MDN1: variants seen among roughly 807,000 people sequenced by gnomAD.
MDN1 encodes the protein midasin.
A neutral mutation model predicts 669.2 loss-of-function variants in MDN1; 266 were observed. The ratio of observed to expected loss-of-function variants is 0.40; its 90% CI spans 0.36 to 0.44. The LOEUF is 0.44. MDN1 is among the 20% of genes least tolerant of loss of function. The probability of loss-of-function intolerance (pLI) is 1.00; values close to 1 mark genes in which losing one functional copy is unlikely to be tolerated. For synonymous variants in MDN1, 2,385 were observed against 2,457.1 expected (o/e 0.97, Z 0.87); for missense variants, 5,940 against 6,754.0 (o/e 0.88, Z 4.22).
At chr6:89,736,455 G>A (rs1044482573) in intron 33 of MDN1, among the ~76,000 whole-genome samples, 3 of 152,126 alleles carry the variant, frequency 2.0e-5, no homozygotes, top group Non-Finnish European at 4.4e-5. Context: ...ATCCAGCCCC[G>A]ACACAGACCC....
intron 8 of MDN1, 31 bp from the exon 9 acceptor site, chr6:89,785,157 C>T (rs773405291): frequency 2.1e-5 from 31 of 1,500,632 alleles, no homozygotes; most frequent in South Asian, 2.0e-4. Flanking sequence ...CACAGTCACA[C>T]AAAATTCCAA....
intron 2 of MDN1, among the ~76,000 whole-genome samples, chr6:89,796,351 C>T (rs200716806): frequency 1.4e-5 from 1 of 71,568 alleles, no homozygotes; most frequent in Non-Finnish European, 2.8e-5. Flanking sequence ...AAAAAAAAAA[C>T]AAAAAAAAAA....
At chr6:89,814,115 A>G (rs1307673691) in intron 1 of MDN1, among the ~76,000 whole-genome samples, 1 of 152,088 alleles carries the variant, frequency 6.6e-6, no homozygotes, top group African/African-American at 2.4e-5. Context: ...AGCCCCCCCA[A>G]CCAACTGAAT....
At chr6:89,753,757 G>A (rs1310237402) in intron 21 of MDN1, 135 bp from the exon 22 acceptor site, 8 of 753,676 alleles carry the variant, frequency 1.1e-5, no homozygotes, top group Non-Finnish European at 1.8e-5. Flanking sequence ...GGTAGATAAA[G>A]GGAAGGGTAG....
At position 89,794,119 on chromosome 6, in the gene MDN1, A is replaced by G. The variant is rs1453830846; in HGVS notation, c.643T>C (p.Leu215=). The stretch of plus-strand genomic sequence containing the variant: ...GCTTACCTCAACCTGAAATGGATCA[A>G]TTCATCACTATTAAATATCTTCTTA... ...FLKKIFNSDE[L]IHFRLRLLEE... is the part of the protein sequence containing the mutation. Residue 215 remains leucine, a synonymous_variant, in exon 4 of 102, where the codon TTG becomes CTG. Transcript: ENST00000369393. 6.3e-7 allele frequency: 1 copy of G among 1,590,938 alleles called. No individual in the cohort carries two copies. Among genetic ancestry groups the G allele is most frequent in the Non-Finnish European group, 8.6e-7 (1 of 1,169,196 alleles).
chr6:89,819,696 G>T lies in MDN1; in HGVS notation c.-89C>A. 9.4e-7 allele frequency: 1 copy of T among 1,061,684 alleles called. No individual in the cohort carries two copies. The highest frequency in any genetic ancestry group is 1.4e-6 in the Non-Finnish European group (1 of 697,160). 65.8% of individuals were successfully genotyped at this position (1,061,684 alleles called of 1,614,324 possible). On this transcript the variant is annotated 5_prime_UTR_variant, in exon 1 of 102. In the 5' UTR this introduces an upstream ATG that the reference lacks. Transcript: ENST00000369393. ...CCGCCGAGGTCCCAGTGCCCGAGCAGCCAGCAACTACGCCCGCAGGAAAGG... is the reference window on the plus strand; with the variant it reads ...CCGCCGAGGTCCCAGTGCCCGAGCATCCAGCAACTACGCCCGCAGGAAAGG...
At chr6:89,780,984 AG>A (rs755062026) in intron 10 of MDN1, among the ~76,000 whole-genome samples, 3 of 151,934 alleles carry the variant, frequency 2.0e-5, no homozygotes, top group Non-Finnish European at 4.4e-5. Context: ...CACTTCTCAA[AG>A]GGGAAGTCAA....
chr6:89,712,222 T>G lies in MDN1; in HGVS notation c.7465A>C (p.Ile2489Leu). 6.2e-7 allele frequency: 1 copy of G among 1,614,114 alleles called. No homozygotes were observed. ...QPFTLQDLEK[I>L]MQSPSPENLK... ...TTCTCAGGGCTGGGGGACTGCATAA[T>G]TTTCTCTAAGTCTTGCAAGGTAAAA... Residue 2489 changes from isoleucine to leucine, a missense_variant, in exon 49 of 102, where the codon ATT becomes CTT. Transcript: ENST00000369393.
Position 89,756,341 on chromosome 6 carries a change from C to A in MDN1, c.2752G>T (p.Val918Phe). Residue 918 changes from valine (V) to phenylalanine (F), a missense_variant, in exon 20 of 102, where the codon GTT (valine) becomes TTT (phenylalanine). Val to Phe is a conservative substitution (Grantham distance 50). Transcript: ENST00000369393. ...CCTTTCAGATAATCTACAATAAGAACCTGTAAGTCTTCTTTGCTTTCTAAT... is the reference window on the plus strand; with the variant it reads ...CCTTTCAGATAATCTACAATAAGAAACTGTAAGTCTTCTTTGCTTTCTAAT... ...EELESKEDLQ[V>F]LIVDYLKGLS... is the part of the protein sequence containing the mutation. 6.2e-7 allele frequency: 1 copy of A among 1,603,600 alleles called. No individual in the cohort carries two copies. Among genetic ancestry groups the A allele is most frequent in the Non-Finnish European group, 8.5e-7 (1 of 1,174,594 alleles).
chr6:89,679,939 C>T (rs1021928391), intron 74 of MDN1, among the ~76,000 whole-genome samples: 9 of 152,130 alleles, frequency 5.9e-5, no homozygotes, highest in African/African-American at 1.4e-4. Flanking sequence ...CCTTGAGCAA[C>T]GGCTGACAAG....
rs1375185115 is a variant in MDN1 at position 89,730,711 on chromosome 6, A to G, written c.5140+15T>C. 6.3e-7 allele frequency: 1 copy of G among 1,598,652 alleles called. No individual in the cohort carries two copies. Among genetic ancestry groups the G allele is most frequent in the East Asian group, 2.2e-5 (1 of 44,802 alleles). ...TATAGAAAAGGAAAATTCATTTTTT[A>G]AAAATCATTCTTACCCCTTGGTATA... is the stretch of plus-strand genomic sequence containing the variant. On this transcript the variant is annotated intron_variant, in intron 35 of 101. Transcript: ENST00000369393.
At chr6:89,716,958 C>T (rs1814416893) in intron 43 of MDN1, 149 bp from the exon 44 acceptor site, 2 of 914,126 alleles carry the variant, frequency 2.2e-6, no homozygotes. Context: ...TCTGTTTAAA[C>T]ACAGATAGGA....
chr6:89,699,131 T>C, intron 58 of MDN1, 96 bp from the exon 59 acceptor site: 1 of 1,178,248 alleles, frequency 8.5e-7, no homozygotes, highest in Non-Finnish European at 1.2e-6. Flanking sequence ...AAAACTGTCA[T>C]AAGTTTAAAG....
chr6:89,701,778 G>T (rs1813178634), intron 54 of MDN1, 100 bp from the exon 55 acceptor site: 1 of 1,520,606 alleles, frequency 6.6e-7, no homozygotes, highest in Non-Finnish European at 8.8e-7. Flanking sequence ...TCTTTTAATT[G>T]TACATTCACC....
At chr6:89,733,037 T>C (rs1423201443) in intron 33 of MDN1, among the ~76,000 whole-genome samples, 1 of 152,220 alleles carries the variant, frequency 6.6e-6, no homozygotes, top group Admixed American at 6.5e-5. Context: ...GATACTGACC[T>C]GAAAACTGCT....
chr6:89,710,777 A>G lies in MDN1; in HGVS notation c.7669T>C (p.Leu2557=), dbSNP rs1329970385. 6 of 1,602,430 alleles carry G rather than the reference A, an allele frequency of 3.7e-6. No homozygotes were observed. The highest frequency in any genetic ancestry group is 2.3e-5 in the East Asian group (1 of 44,258). Residue 2557 remains leucine, a synonymous_variant, in exon 50 of 102, where the codon TTG becomes CTG. Transcript: ENST00000369393. ...PQGLESIQIH[L]EASAASLRNF... is the part of the protein sequence containing the mutation. ...CTGAGAGATGCAGCACTGGCTTCCA[A>G]ATGAATTTGTATGGACTCTGTGGAG...
rs1361286221 is a variant in MDN1 at position 89,695,700 on chromosome 6, T to C, written c.9676A>G (p.Ser3226Gly). ...EPAQRGSLWV[S>G]LGLLQIQTWL... ...GTCTGAATCTGGAGCAAGCCGAGGC[T>C]CACCCAGAGGCTCCCACGCTGGGCT... The change falls in exon 61 of 102, where the codon AGC (serine) becomes GGC (glycine). Residue 3226 changes from serine (S) to glycine (G), a missense_variant. This residue lies in a region of MDN1 where 2,292 missense variants were observed against 2,638.3 expected (regional missense o/e 0.87). Coordinates refer to ENST00000369393, the MANE Select transcript of MDN1 (RefSeq NM_014611.3). This position sits in a 1 kb window ranked among gnomAD's most constrained non-coding sequence, Gnocchi z 4.1. 2.5e-6 allele frequency: 4 copies of C among 1,613,644 alleles called. No individual in the cohort carries two copies. The African/African-American group carries it at 5.3e-5, about 22-fold the overall frequency.
At position 89,740,345 on chromosome 6, in the gene MDN1, A is replaced by C; in HGVS notation, c.4482T>G (p.Ala1494=). 1 of 1,591,092 alleles carries C rather than the reference A, an allele frequency of 6.3e-7. No homozygotes were observed. The highest frequency in any genetic ancestry group is 8.5e-7 in the Non-Finnish European group (1 of 1,173,816). ...CCTTGTCCTCTGGACTGCCTTTTTC[A>C]GCTAATACCAGAGACTTTTCTACTT... ...VLEVEKSLVL[A]EKGSPEDKDS... Residue 1494 remains alanine (A), a synonymous_variant, in exon 32 of 102, where the codon GCT becomes GCG. Transcript: ENST00000369393.
rs756038119 is a variant in MDN1 at position 89,710,813 on chromosome 6, C to A, written c.7652-19G>T. ...ATGGACTCTGTGGAGGAAGGAGAAACCAGTGTTAGACTCTAAAGCAGTGCT... is the reference window on the plus strand; with the variant it reads ...ATGGACTCTGTGGAGGAAGGAGAAAACAGTGTTAGACTCTAAAGCAGTGCT... On this transcript the variant is annotated intron_variant, in intron 49 of 101. Coordinates refer to ENST00000369393, the MANE Select transcript of MDN1 (RefSeq NM_014611.3). 6.9e-7 allele frequency: 1 copy of A among 1,456,068 alleles called. No homozygotes were observed. The highest frequency in any genetic ancestry group is 9.6e-7 in the Non-Finnish European group (1 of 1,044,624). 90.2% of individuals were successfully genotyped at this position (1,456,068 alleles called of 1,614,324 possible).
Sources: gnomAD v4.1 joint callset for allele counts (sites outside exome capture counted in the v4.1 genomes callset) on GRCh38, gnomAD v4.1.1 for gene constraint, gnomAD v4.1.1 regional missense constraint, Gnocchi (gnomAD v3.1) non-coding constraint, MANE v1.5 for transcripts, NCBI Gene and HGNC (gene_info 2026-07-23, HGNC 2026-07-21) for gene names.